HOXA9: variants seen among roughly 807,000 people sequenced by gnomAD.
HOXA9 encodes the protein homeobox protein Hox-A9.
A neutral mutation model predicts 19.0 loss-of-function variants in HOXA9; 18 were observed. The ratio of observed to expected loss-of-function variants is 0.95; its 90% CI spans 0.65 to 1.40. The LOEUF (loss-of-function observed/expected upper bound fraction) is 1.40. HOXA9 is among the 40% of genes most tolerant of loss of function. HOXA9 has a pLI of 0.00. For synonymous variants in HOXA9, 198 were observed against 161.1 expected, an observed-to-expected ratio of 1.23 and a Z score of -1.73; for missense variants, 443 against 372.2, an observed-to-expected ratio of 1.19 and a Z score of -1.57.
intron 1 of HOXA9, among the ~76,000 whole-genome samples, chr7:27,164,396 G>A (rs1043436190): frequency 1.3e-5 from 2 of 152,236 alleles, no homozygotes; most frequent in Non-Finnish European, 2.9e-5. Context: ...CGGGTCGCCC[G>A]CAGCCTCATC....
chr7:27,163,731 G>A lies in HOXA9; in HGVS notation c.691C>T (p.Leu231Phe), dbSNP rs1783253440. The A allele has an allele frequency of 3.7e-6, 6 of 1,613,952 alleles. No individual in the cohort carries two copies. Among genetic ancestry groups the A allele is most frequent in the Non-Finnish European group, 5.1e-6 (6 of 1,179,972 alleles). ...LEKEFLFNMY[L>F]TRDRRYEVAR... ...ACCTCGTACCTGCGGTCCCTGGTGA[G>A]GTACATGTTGAACAGAAACTCTTTC... Residue 231 changes from leucine (L) to phenylalanine (F), a missense_variant, in exon 2 of 2, where the codon CTC (leucine) becomes TTC (phenylalanine). Leu to Phe is a conservative substitution (Grantham distance 22, BLOSUM62 0). Coordinates refer to ENST00000343483, the MANE Select transcript of HOXA9 (RefSeq NM_152739.4).
chr7:27,163,865 T>G, intron 1 of HOXA9, 24 bp from the exon 2 acceptor site: 1 of 1,592,656 alleles, frequency 6.3e-7, no homozygotes, highest in East Asian at 2.2e-5. Flanking sequence ...AAACACTGGG[T>G]TTAGGAGCAG....
Position 27,163,313 on chromosome 7 carries a change from T to C in HOXA9, c.*290A>G, listed in dbSNP as rs1783240504. The stretch of plus-strand genomic sequence containing the variant: ...ACAGGTAGATTTTTAAAAATATATA[T>C]ACAAGCTAACACACACAGCTATCAG... On this transcript the variant is annotated 3_prime_UTR_variant, in exon 2 of 2. Coordinates refer to ENST00000343483, the MANE Select transcript of HOXA9 (RefSeq NM_152739.4). 5.8e-6 allele frequency: 2 copies of C among 343,946 alleles called. No homozygotes were observed. Among genetic ancestry groups the C allele is most frequent in the South Asian group, 7.4e-5 (1 of 13,584 alleles). The allele number at this position is 343,946 out of a possible 1,614,324, so 21.3% of individuals were successfully genotyped here. A position where few individuals can be genotyped will look rare whatever the true frequency, so the allele number is the denominator to read the frequency against.
At position 27,162,715 on chromosome 7, in the gene HOXA9, T is replaced by C. The variant is rs1025143709; in HGVS notation, c.*888A>G. 4.8e-6 allele frequency: 1 copy of C among 209,516 alleles called. No individual in the cohort carries two copies. The highest frequency in any genetic ancestry group is 9.7e-6 in the Non-Finnish European group (1 of 102,862). 13.0% of individuals were successfully genotyped at this position (209,516 alleles called of 1,614,324 possible). A position where few individuals can be genotyped will look rare whatever the true frequency, so the allele number is the denominator to read the frequency against. Reference sequence around the variant, plus strand: ...CCTAGGTAGTAACCTTCTGCACATATGTATAGCTCCGAATTTCCTCACTGT... The same window carrying C: ...CCTAGGTAGTAACCTTCTGCACATACGTATAGCTCCGAATTTCCTCACTGT... On this transcript the variant is annotated 3_prime_UTR_variant, in exon 2 of 2. Coordinates refer to ENST00000343483, the MANE Select transcript of HOXA9 (RefSeq NM_152739.4).
Position 27,163,654 on chromosome 7 carries a change from G to A in HOXA9, c.768C>T (p.Asn256=), listed in dbSNP as rs1271132491. The A allele has an allele frequency of 1.2e-6, 2 of 1,613,418 alleles. No homozygotes were observed. The highest frequency in any genetic ancestry group is 1.3e-5 in the African/African-American group (1 of 74,784). ...TGATTTTCTTCATTTTCATCCTGCG[G>A]TTCTGGAACCAGATCTTGACCTGCC... ...TERQVKIWFQ[N]RRMKMKKINK... Residue 256 remains asparagine (N), a synonymous_variant, in exon 2 of 2, where the codon AAC becomes AAT. Coordinates refer to ENST00000343483, the MANE Select transcript of HOXA9 (RefSeq NM_152739.4).
intron 1 of HOXA9, among the ~76,000 whole-genome samples, 197 bp downstream of exon 1, chr7:27,164,681 C>T (rs1035103566): frequency 6.6e-6 from 1 of 152,238 alleles, no homozygotes; most frequent in Non-Finnish European, 1.5e-5. Context: ...CTCCCGTAGC[C>T]CTGCGGGCCG....
In HOXA9 at chr7:27,165,126, C is replaced by A; in HGVS notation, c.332G>T (p.Trp111Leu). 1 of 1,608,134 alleles carries A rather than the reference C, an allele frequency of 6.2e-7. No homozygotes were observed. Among genetic ancestry groups the A allele is most frequent in the South Asian group, 1.1e-5 (1 of 90,752 alleles). ...GAGCGCACCGGGCGTGGGCTCCAGC[C>A]AGGAGCGCATGTACCTGCCGTCCGG... is the stretch of plus-strand genomic sequence containing the variant. ...AAPDGRYMRSWLEPTPGALSF... is the reference protein window; with the variant it reads ...AAPDGRYMRSLLEPTPGALSF... Residue 111 changes from tryptophan to leucine, a missense_variant, in exon 1 of 2, where the codon TGG becomes TTG. Transcript: ENST00000343483.
Position 27,163,575 on chromosome 7 carries a change from C to T in HOXA9, c.*28G>A, listed in dbSNP as rs1369707179. On this transcript the variant is annotated 3_prime_UTR_variant, in exon 2 of 2. Transcript: ENST00000343483. ...TTCTTTCTTTTTCTCTCTAGCTTAC[C>T]CTTTTTTCTAAATAAGCCCAAATGG... 20 of 1,538,512 alleles carry T rather than the reference C, an allele frequency of 1.3e-5. No individual in the cohort carries two copies. Among genetic ancestry groups the T allele is most frequent in the Non-Finnish European group, 1.8e-5 (20 of 1,115,678 alleles).
rs1562505781 is a variant in HOXA9 at position 27,165,419 on chromosome 7, G to A, written c.39C>T (p.Asp13=). ...TTGALGNYYV[D]SFLLGADAAD... Reference sequence around the variant, plus strand: ...CGGCGTCGGCGCCCAGCAGGAACGAGTCCACGTAGTAGTTGCCCAGGGCCC... The same window carrying A: ...CGGCGTCGGCGCCCAGCAGGAACGAATCCACGTAGTAGTTGCCCAGGGCCC... The change falls in exon 1 of 2, where the codon GAC becomes GAT. Residue 13 remains aspartate, a synonymous_variant. Coordinates refer to ENST00000343483, the MANE Select transcript of HOXA9 (RefSeq NM_152739.4). 4 of 1,609,674 alleles carry A rather than the reference G, an allele frequency of 2.5e-6. No homozygotes were observed. Among genetic ancestry groups the A allele is most frequent in the African/African-American group, 2.7e-5 (2 of 74,754 alleles).
At position 27,165,127 on chromosome 7, in the gene HOXA9, A is replaced by G. The variant is rs750827678; in HGVS notation, c.331T>C (p.Trp111Arg). The G allele has an allele frequency of 1.7e-4, 266 of 1,608,098 alleles. No individual in the cohort carries two copies. Among genetic ancestry groups the G allele is most frequent in the Non-Finnish European group, 2.2e-4 (256 of 1,177,242 alleles). The change falls in exon 1 of 2, where the codon TGG becomes CGG. Residue 111 changes from tryptophan (W) to arginine (R), a missense_variant. Trp to Arg is a moderately radical substitution (Grantham distance 101, BLOSUM62 -3). Coordinates refer to ENST00000343483, the MANE Select transcript of HOXA9 (RefSeq NM_152739.4). ...AGCGCACCGGGCGTGGGCTCCAGCC[A>G]GGAGCGCATGTACCTGCCGTCCGGC... ...AAPDGRYMRS[W>R]LEPTPGALSF...
Position 27,165,180 on chromosome 7 carries a change from T to G in HOXA9, c.278A>C (p.His93Pro). 6.3e-7 allele frequency: 1 copy of G among 1,595,392 alleles called. No homozygotes were observed. The highest frequency in any genetic ancestry group is 8.5e-7 in the Non-Finnish European group (1 of 1,171,184). Residue 93 changes from histidine (H) to proline (P), a missense_variant, in exon 1 of 2, where the codon CAC becomes CCC. Physicochemically the swap from His to Pro is moderately conservative, Grantham distance 77. Transcript: ENST00000343483. ...YHHHHHHPYV[H>P]PQAPVAAAAP... ...CGCCGCCGCCACGGGCGCCTGGGGG[T>G]GCACGTAGGGGTGGTGGTGATGGTG...
At position 27,163,319 on chromosome 7, in the gene HOXA9, C is replaced by A. The variant is rs2128068061; in HGVS notation, c.*284G>T. The A allele has an allele frequency of 5.3e-6, 2 of 380,334 alleles. No homozygotes were observed. Among genetic ancestry groups the A allele is most frequent in the Non-Finnish European group, 4.7e-6 (1 of 211,598 alleles). The allele number at this position is 380,334 out of a possible 1,614,324, so 23.6% of individuals were successfully genotyped here. A position where few individuals can be genotyped will look rare whatever the true frequency, so the allele number is the denominator to read the frequency against. ...AGATTTTTAAAAATATATATACAAG[C>A]TAACACACACAGCTATCAGCACTAA... On this transcript the variant is annotated 3_prime_UTR_variant, in exon 2 of 2. Transcript: ENST00000343483.
intron 1 of HOXA9, 148 bp downstream of exon 1, chr7:27,164,730 C>A: frequency 1.6e-6 from 2 of 1,259,900 alleles, no homozygotes; most frequent in Non-Finnish European, 2.2e-6. Flanking sequence ...CTATCTGAGG[C>A]GTCCCAAACA....
rs1013841592 is a variant in HOXA9, at chr7:27,162,711, C to T, written c.*892G>A. 1 of 209,626 alleles carries T rather than the reference C, an allele frequency of 4.8e-6. No individual in the cohort carries two copies. The highest frequency in any genetic ancestry group is 2.3e-5 in the African/African-American group (1 of 43,914). 13.0% of individuals were successfully genotyped at this position (209,626 alleles called of 1,614,324 possible). A position where few individuals can be genotyped will look rare whatever the true frequency, so the allele number is the denominator to read the frequency against. ...AAACCCTAGGTAGTAACCTTCTGCA[C>T]ATATGTATAGCTCCGAATTTCCTCA... On this transcript the variant is annotated 3_prime_UTR_variant, in exon 2 of 2. Coordinates refer to ENST00000343483, the MANE Select transcript of HOXA9 (RefSeq NM_152739.4).
rs1183105970 is a variant in HOXA9 at position 27,165,471 on chromosome 7, G to T, written c.-14C>A. On this transcript the variant is annotated 5_prime_UTR_variant, in exon 1 of 2. Coordinates refer to ENST00000343483, the MANE Select transcript of HOXA9 (RefSeq NM_152739.4). ...AGTGGTGGCCATCACCGTGCCCAGC[G>T]CCTGGCCCGCCCGGCCCGACCCACG... 1.9e-6 allele frequency: 3 copies of T among 1,567,214 alleles called. No homozygotes were observed. The highest frequency in any genetic ancestry group is 2.6e-6 in the Non-Finnish European group (3 of 1,162,214).
At position 27,163,025 on chromosome 7, in the gene HOXA9, G is replaced by GT. The variant is rs1320471834; in HGVS notation, c.*577dup. On this transcript the variant is annotated 3_prime_UTR_variant, in exon 2 of 2. Coordinates refer to ENST00000343483, the MANE Select transcript of HOXA9 (RefSeq NM_152739.4). ...CTACAGAGCTATACTCTATGCAACT[G>GT]TTTTTTTCCCCTCATAAACAACCTG... 1.5e-5 allele frequency: 3 copies of GT among 205,872 alleles called. No individual in the cohort carries two copies. The highest frequency in any genetic ancestry group is 1.6e-3 in the Middle Eastern group (1 of 634). 12.8% of individuals were successfully genotyped at this position (205,872 alleles called of 1,614,324 possible). A position where few individuals can be genotyped will look rare whatever the true frequency, so the allele number is the denominator to read the frequency against.
At position 27,163,748 on chromosome 7, in the gene HOXA9, A is replaced by G. The variant is rs749607053; in HGVS notation, c.674T>C (p.Phe225Ser). The change falls in exon 2 of 2, where the codon TTT becomes TCT. Residue 225 changes from phenylalanine (F) to serine (S), a missense_variant. By Grantham distance (155) the Phe-to-Ser change is radical. Coordinates refer to ENST00000343483, the MANE Select transcript of HOXA9 (RefSeq NM_152739.4). ...KHQTLELEKE[F>S]LFNMYLTRDR... The stretch of plus-strand genomic sequence containing the variant: ...CCTGGTGAGGTACATGTTGAACAGA[A>G]ACTCTTTCTCCAGTTCCAGGGTCTG... The G allele has an allele frequency of 2.5e-6, 4 of 1,613,252 alleles. No homozygotes were observed. The East Asian group carries it at 8.9e-5, about 36-fold the overall frequency.
chr7:27,163,636 C>G lies in HOXA9; in HGVS notation c.786G>C (p.Lys262Asn), dbSNP rs778960235. The G allele has an allele frequency of 8.7e-6, 14 of 1,613,208 alleles. No individual in the cohort carries two copies. In the African/African-American group the frequency reaches 1.5e-4, roughly 17 times the overall value. The change falls in exon 2 of 2, where the codon AAG becomes AAC. Residue 262 changes from lysine to asparagine, a missense_variant. By Grantham distance (94) the Lys-to-Asn change is moderately conservative (BLOSUM62 0). Transcript: ENST00000343483. ...IWFQNRRMKM[K>N]KINKDRAKDE Reference sequence around the variant, plus strand: ...CTTTTGCTCGGTCTTTGTTGATTTTCTTCATTTTCATCCTGCGGTTCTGGA... The same window carrying G: ...CTTTTGCTCGGTCTTTGTTGATTTTGTTCATTTTCATCCTGCGGTTCTGGA...
Position 27,165,477 on chromosome 7 carries a change from C to A in HOXA9, c.-20G>T. Reference sequence around the variant, plus strand: ...GGCCATCACCGTGCCCAGCGCCTGGCCCGCCCGGCCCGACCCACGGAAATT... The same window carrying A: ...GGCCATCACCGTGCCCAGCGCCTGGACCGCCCGGCCCGACCCACGGAAATT... On this transcript the variant is annotated 5_prime_UTR_variant, in exon 1 of 2. Coordinates refer to ENST00000343483, the MANE Select transcript of HOXA9 (RefSeq NM_152739.4). 6.5e-7 allele frequency: 1 copy of A among 1,548,976 alleles called. No homozygotes were observed. Among genetic ancestry groups the A allele is most frequent in the Non-Finnish European group, 8.7e-7 (1 of 1,153,902 alleles).
Sources: allele counts gnomAD v4.1 joint callset (sites outside exome capture counted in the v4.1 genomes callset), GRCh38; gene constraint gnomAD v4.1.1; transcripts MANE v1.5; gene names NCBI Gene and HGNC (gene_info 2026-07-23, HGNC 2026-07-21).